Variants in PIP5K1C observed in about 807,000 individuals in gnomAD.
PIP5K1C encodes the protein phosphatidylinositol-4-phosphate 5-kinase type 1 gamma.
In PIP5K1C, 45 loss-of-function variants were observed where a neutral mutation model predicts 80.1. The observed-to-expected ratio is 0.56, with a 90% CI of 0.44 to 0.72. The LOEUF (loss-of-function observed/expected upper bound fraction) is 0.72. Ranked by LOEUF, PIP5K1C falls within the 30% of genes least tolerant of loss-of-function variation. The pLI is 0.00. For synonymous variants in PIP5K1C, 498 were observed against 420.1 expected (o/e 1.19, Z -2.27); for missense variants, 753 against 954.6 (o/e 0.79, Z 2.78).
intron 1 of PIP5K1C, among the ~76,000 whole-genome samples, chr19:3,672,343 C>G (rs2035234400): frequency 6.6e-6 from 1 of 152,254 alleles, no homozygotes; most frequent in African/African-American, 2.4e-5. Context: ...ACCTTTGCCA[C>G]CCCACTGACA....
At chr19:3,687,049 C>T (rs12979757) in intron 1 of PIP5K1C, among the ~76,000 whole-genome samples, 5,743 of 152,146 alleles carry the variant, frequency 0.038, 154 homozygotes, top group Non-Finnish European at 0.058. Flanking sequence ...AAAAATTAGC[C>T]GGGCATAGTG....
Position 3,637,499 on chromosome 19 carries a change from C to T in PIP5K1C, c.1920+1385G>A. On this transcript the variant is annotated intron_variant, in intron 16 of 17. Coordinates refer to ENST00000335312, the MANE Select transcript of PIP5K1C (RefSeq NM_012398.3). The surrounding 1 kb of genome is among the most constrained non-coding windows in gnomAD (Gnocchi z 7.0). Reference sequence around the variant, plus strand: ...GCTCCCTGCTGCCCGAGGGGCACTGCCCCTTCTCCCCAGGGTGGCCGGCTG... The same window carrying T: ...GCTCCCTGCTGCCCGAGGGGCACTGTCCCTTCTCCCCAGGGTGGCCGGCTG... 6.5e-7 allele frequency: 1 copy of T among 1,535,692 alleles called. No individual in the cohort carries two copies. The highest frequency in any genetic ancestry group is 8.7e-7 in the Non-Finnish European group (1 of 1,146,788).
intron 1 of PIP5K1C, among the ~76,000 whole-genome samples, chr19:3,678,719 G>C (rs1414823233): frequency 7.4e-6 from 1 of 134,492 alleles, no homozygotes; most frequent in Non-Finnish European, 1.6e-5. Context: ...GGGATGGAGG[G>C]ATGGCGGGAT....
In PIP5K1C at chr19:3,635,153, G is replaced by A. The variant is rs529574170; in HGVS notation, c.1921-1633C>T. Among the ~76,000 whole-genome samples the A allele has an allele frequency of 2.6e-5, 4 of 152,370 alleles. No homozygotes were observed. The East Asian group carries it at 7.7e-4, about 29-fold the overall frequency. On this transcript the variant is annotated intron_variant, in intron 16 of 17. Transcript: ENST00000335312. ...GAAAGAACTGGCCCGCAGGGAGGAGGGTGGCAGCAGCCACCTCAGAGCCGC... is the reference window on the plus strand; with the variant it reads ...GAAAGAACTGGCCCGCAGGGAGGAGAGTGGCAGCAGCCACCTCAGAGCCGC...
chr19:3,669,531 G>A (rs2035130991), intron 1 of PIP5K1C: 2 of 152,334 alleles, frequency 1.3e-5, no homozygotes. Flanking sequence ...GAGACAAAAA[G>A]TCTTTCTGGA....
At chr19:3,687,519 A>ACACACG (rs2035796923) in intron 1 of PIP5K1C, among the ~76,000 whole-genome samples, 1 of 151,040 alleles carries the variant, frequency 6.6e-6, no homozygotes, top group African/African-American at 2.4e-5. Context: ...ACATACATGC[A>ACACACG]CACATGCACA....
Position 3,641,790 on chromosome 19 carries a change from C to A in PIP5K1C, c.1702G>T (p.Ala568Ser), listed in dbSNP as rs781188139. 1.4e-5 allele frequency: 22 copies of A among 1,612,026 alleles called. No homozygotes were observed. The highest frequency in any genetic ancestry group is 1.7e-4 in the Middle Eastern group (1 of 6,048). Residue 568 changes from alanine (A) to serine (S), a missense_variant, in exon 15 of 18, where the codon GCG becomes TCG. Ala to Ser is a moderately conservative substitution (Grantham distance 99). Coordinates refer to ENST00000335312, the MANE Select transcript of PIP5K1C (RefSeq NM_012398.3). ...QDGRPQEEPPAEEDLQQITVQ... is the reference protein window; with the variant it reads ...QDGRPQEEPPSEEDLQQITVQ... The stretch of plus-strand genomic sequence containing the variant: ...GTAATCTGCTGCAGATCCTCTTCCG[C>A]GGGTGGCTCCTCCTGCGGCCTGCAG...
intron 10 of PIP5K1C, among the ~76,000 whole-genome samples, chr19:3,646,601 C>T (rs2034224011): frequency 6.6e-6 from 1 of 152,208 alleles, no homozygotes; most frequent in Non-Finnish European, 1.5e-5. Flanking sequence ...CCCTGGCCAG[C>T]CTCGTCAGAG....
Position 3,633,453 on chromosome 19 carries a change from T to C in PIP5K1C, c.1988A>G (p.Asp663Gly), listed in dbSNP as rs771219620. The C allele has an allele frequency of 8.8e-5, 131 of 1,495,936 alleles. 1 individual carries two copies. In the South Asian group the frequency reaches 1.7e-3, roughly 19 times the overall value. 92.7% of individuals were successfully genotyped at this position (1,495,936 alleles called of 1,614,324 possible). Residue 663 changes from aspartate to glycine, a missense_variant, in exon 17 of 18, where the codon GAC becomes GGC. Coordinates refer to ENST00000335312, the MANE Select transcript of PIP5K1C (RefSeq NM_012398.3). The stretch of plus-strand genomic sequence containing the variant: ...TGCACTTACTGTGTCGCTCTCGCCG[T>C]CGGAGGCCGGGGGGGCCTGGGCGCT... ...HYSAQAPPAS[D>G]GESDT
intron 1 of PIP5K1C, among the ~76,000 whole-genome samples, chr19:3,679,947 G>T (rs897467186): frequency 6.6e-6 from 1 of 152,358 alleles, no homozygotes. Context: ...GATGCTGTGG[G>T]AGACACTGCC....
At chr19:3,698,567 G>A (rs1261191249) in intron 1 of PIP5K1C, among the ~76,000 whole-genome samples, 3 of 152,240 alleles carry the variant, frequency 2.0e-5, no homozygotes, top group Non-Finnish European at 4.4e-5. Flanking sequence ...CGGTGTCTGG[G>A]TCACTTGTGG....
rs946447152 is a variant in PIP5K1C, at chr19:3,688,216, C to T, written c.94+12081G>A. Among the ~76,000 whole-genome samples the T allele has an allele frequency of 2.0e-5, 3 of 152,208 alleles. No individual in the cohort carries two copies. The highest frequency in any genetic ancestry group is 4.1e-4 in the South Asian group (2 of 4,838). ...GCACAGCAGAGGTGGACGCCCCTCGCGGCTGGCTCCCCAGCGTCCCTGTCC... is the reference window on the plus strand; with the variant it reads ...GCACAGCAGAGGTGGACGCCCCTCGTGGCTGGCTCCCCAGCGTCCCTGTCC... On this transcript the variant is annotated intron_variant, in intron 1 of 17. Coordinates refer to ENST00000335312, the MANE Select transcript of PIP5K1C (RefSeq NM_012398.3). This position sits in a 1 kb window ranked among gnomAD's most constrained non-coding sequence, Gnocchi z 5.3.
chr19:3,683,553 C>T (rs1184326629), intron 1 of PIP5K1C, among the ~76,000 whole-genome samples: 1 of 152,230 alleles, frequency 6.6e-6, no homozygotes, highest in Non-Finnish European at 1.5e-5. Flanking sequence ...GTGACGTAGG[C>T]ACTATTACTG....
chr19:3,681,154 A>T (rs2035577721), intron 1 of PIP5K1C, among the ~76,000 whole-genome samples: 2 of 151,864 alleles, frequency 1.3e-5, no homozygotes. Context: ...GGGGGCGGGC[A>T]GGGTGTTCCT....
At chr19:3,685,088 AAAAC>A (rs1241111209) in intron 1 of PIP5K1C, among the ~76,000 whole-genome samples, 7 of 152,236 alleles carry the variant, frequency 4.6e-5, no homozygotes, top group Non-Finnish European at 7.3e-5. Flanking sequence ...AGAGGAAAAG[AAAAC>A]AAACAGTGTG....
intron 11 of PIP5K1C, among the ~76,000 whole-genome samples, chr19:3,645,316 G>A (rs183329871): frequency 6.6e-6 from 1 of 152,374 alleles, no homozygotes; most frequent in Non-Finnish European, 1.5e-5. Flanking sequence ...CTGAGAAACA[G>A]ACCCCAGGGG....
In PIP5K1C at chr19:3,696,743, C is replaced by CG. The variant is rs1306583560; in HGVS notation, c.94+3553_94+3554insC. On this transcript the variant is annotated intron_variant, in intron 1 of 17. Transcript: ENST00000335312. The surrounding 1 kb of genome is among the most constrained non-coding windows in gnomAD (Gnocchi z 4.1). ...GGAGGGCAGAGTGCGGAGGGGAGGG[C>CG]AGGGAGGGCAGGGAGGGCCCGGGGC... Among the ~76,000 whole-genome samples the CG allele has an allele frequency of 2.0e-5, 1 of 48,918 alleles. No homozygotes were observed. The highest frequency in any genetic ancestry group is 8.2e-5 in the African/African-American group (1 of 12,158). The allele number at this position is 48,918 out of a possible 152,430, so 32.1% of individuals were successfully genotyped here.
chr19:3,670,610 G>A (rs1004749493), intron 1 of PIP5K1C, among the ~76,000 whole-genome samples: 4 of 152,222 alleles, frequency 2.6e-5, no homozygotes, highest in East Asian at 1.9e-4. Context: ...CCCCAGTCCC[G>A]GGGACTTTGT....
At chr19:3,684,538 G>A (rs577510769) in intron 1 of PIP5K1C, among the ~76,000 whole-genome samples, 1 of 152,364 alleles carries the variant, frequency 6.6e-6, no homozygotes, top group South Asian at 2.1e-4. Context: ...AATGCGGAGA[G>A]AGGCCTGGGA....
Sources: gnomAD v4.1 joint callset for allele counts (sites outside exome capture counted in the v4.1 genomes callset) on GRCh38, gnomAD v4.1.1 for gene constraint, Gnocchi (gnomAD v3.1) non-coding constraint, MANE v1.5 for transcripts, NCBI Gene and HGNC (gene_info 2026-07-23, HGNC 2026-07-21) for gene names.